The following ZCCHC24 variants were observed in gnomAD, a reference collection of about 807,000 sequenced individuals.
ZCCHC24 encodes the protein zinc finger CCHC domain-containing protein 24.
ZCCHC24 carries 10 observed loss-of-function variants against 26.2 expected under a neutral mutation model. The observed-to-expected ratio is 0.38, with a 90% confidence interval of 0.24 to 0.65. The LOEUF is 0.65. Among genes scored for constraint, ZCCHC24 ranks in the 30% least tolerant of loss-of-function variants. The probability of loss-of-function intolerance (pLI) is 0.54; values close to 1 mark genes in which losing one functional copy is unlikely to be tolerated. For synonymous variants in ZCCHC24, 144 were observed against 147.1 expected, an observed-to-expected ratio of 0.98 and a Z score of 0.15; for missense variants, 243 against 329.1, an observed-to-expected ratio of 0.74 and a Z score of 2.03.
At chr10:79,441,079 A>AACAAACACACACAC (rs1957887501) in intron 1 of ZCCHC24, among the ~76,000 whole-genome samples, 1 of 135,580 alleles carries the variant, frequency 7.4e-6, no homozygotes, top group African/African-American at 2.8e-5. Flanking sequence ...CTGCCCCCTA[A>AACAAACACACACAC]ACACACACAC....
intron 2 of ZCCHC24, among the ~76,000 whole-genome samples, chr10:79,417,804 C>A (rs1372116570): frequency 6.6e-6 from 1 of 152,200 alleles, no homozygotes; most frequent in African/African-American, 2.4e-5. Context: ...TTCTTCCCTG[C>A]ACCTGCTGCC....
intron 2 of ZCCHC24, among the ~76,000 whole-genome samples, chr10:79,417,669 T>C (rs900347098): frequency 6.6e-6 from 1 of 152,100 alleles, no homozygotes; most frequent in East Asian, 1.9e-4. Context: ...AGTGGGCACA[T>C]GGGCCACAGA....
intron 2 of ZCCHC24, among the ~76,000 whole-genome samples, chr10:79,431,957 G>A (rs931853122): frequency 8.5e-5 from 13 of 152,176 alleles, no homozygotes; most frequent in African/African-American, 2.9e-4. Flanking sequence ...CTGAAGCATT[G>A]GATCAGGTGG....
chr10:79,398,965 C>T (rs912884049), intron 2 of ZCCHC24, among the ~76,000 whole-genome samples: 2 of 152,196 alleles, frequency 1.3e-5, no homozygotes, highest in African/African-American at 2.4e-5. Flanking sequence ...CAAGGCCACA[C>T]TTGACCCACC....
intron 3 of ZCCHC24, among the ~76,000 whole-genome samples, chr10:79,389,787 T>G (rs1856451803): frequency 6.6e-6 from 1 of 152,148 alleles, no homozygotes; most frequent in Middle Eastern, 3.4e-3. Context: ...ATCTAATTTT[T>G]GTAGTTTTAG....
rs1856357709 is a variant in ZCCHC24, at chr10:79,383,969, C to T, written c.*2376G>A. 6.5e-6 allele frequency: 1 copy of T among 152,782 alleles called. No homozygotes were observed. Among genetic ancestry groups the T allele is most frequent in the Non-Finnish European group, 1.5e-5 (1 of 68,066 alleles). The allele number at this position is 152,782 out of a possible 1,614,324, so 9.5% of individuals were successfully genotyped here. A position where few individuals can be genotyped will look rare whatever the true frequency, so the allele number is the denominator to read the frequency against. On this transcript the variant is annotated 3_prime_UTR_variant, in exon 4 of 4. Transcript: ENST00000372336. ...TACTAAAACCACACACTTTCCCATC[C>T]CCTGGGCTCCTGGCCCTCTGAGCAC... is the stretch of plus-strand genomic sequence containing the variant.
At chr10:79,407,819 G>A (rs1404434426) in intron 2 of ZCCHC24, among the ~76,000 whole-genome samples, 2 of 152,218 alleles carry the variant, frequency 1.3e-5, no homozygotes, top group Non-Finnish European at 2.9e-5. Flanking sequence ...CAGTGAGGCT[G>A]CTGGGCTTGA....
At chr10:79,394,178 A>C in intron 3 of ZCCHC24, 98 bp downstream of exon 3, 3 of 1,472,962 alleles carry the variant, frequency 2.0e-6, no homozygotes, top group East Asian at 2.3e-5. Flanking sequence ...GTCAACTTAG[A>C]GAGATCTCCC....
At chr10:79,387,516 G>A (rs930166559) in intron 3 of ZCCHC24, among the ~76,000 whole-genome samples, 38 of 152,192 alleles carry the variant, frequency 2.5e-4, no homozygotes, top group South Asian at 2.1e-4. Flanking sequence ...GCCAGCTCAC[G>A]GGGATTCTGC....
chr10:79,440,340 C>T (rs1011919001), intron 1 of ZCCHC24, among the ~76,000 whole-genome samples: 2 of 152,212 alleles, frequency 1.3e-5, no homozygotes, highest in African/African-American at 4.8e-5. Flanking sequence ...TGGACTCATG[C>T]CCCCATGCTG....
chr10:79,391,796 C>T (rs1469456854), intron 3 of ZCCHC24, among the ~76,000 whole-genome samples: 9 of 151,510 alleles, frequency 5.9e-5, no homozygotes, highest in Non-Finnish European at 1.0e-4. Flanking sequence ...CAGTAGCTCC[C>T]GGAGCGCTCT....
At chr10:79,390,462 A>G (rs1480975724) in intron 3 of ZCCHC24, among the ~76,000 whole-genome samples, 1 of 152,092 alleles carries the variant, frequency 6.6e-6, no homozygotes, top group East Asian at 1.9e-4. Context: ...CAGGGGAAAC[A>G]GCGAAGTCCC....
At chr10:79,412,290 G>C (rs1856803512) in intron 2 of ZCCHC24, among the ~76,000 whole-genome samples, 1 of 152,262 alleles carries the variant, frequency 6.6e-6, no homozygotes, top group Admixed American at 6.5e-5. Context: ...GGTAGCTCAG[G>C]AGCTTCCTGC....
At chr10:79,402,014 C>A (rs1305535576) in intron 2 of ZCCHC24, among the ~76,000 whole-genome samples, 1 of 152,226 alleles carries the variant, frequency 6.6e-6, no homozygotes, top group Non-Finnish European at 1.5e-5. Flanking sequence ...GAAACAGAGG[C>A]CACAGGGGTG....
chr10:79,394,635 G>C, intron 2 of ZCCHC24, 195 bp from the exon 3 acceptor site: 4 of 985,442 alleles, frequency 4.1e-6, no homozygotes, highest in Non-Finnish European at 4.8e-6. Flanking sequence ...GGCACATAGG[G>C]AACAGAAAAC....
chr10:79,430,944 TGTGA>T (rs1857118579), intron 2 of ZCCHC24, among the ~76,000 whole-genome samples: 1 of 152,210 alleles, frequency 6.6e-6, no homozygotes, highest in South Asian at 2.1e-4. Flanking sequence ...AATAATCCTG[TGTGA>T]GTCCCTTCCT....
rs553342960 is a variant in ZCCHC24 at position 79,420,659 on chromosome 10, G to A, written c.447+11899C>T. Among the ~76,000 whole-genome samples, 99 of 152,210 alleles carry A rather than the reference G, an allele frequency of 6.5e-4. 1 individual carries two copies. The South Asian group carries it at 0.016, about 25-fold the overall frequency. On this transcript the variant is annotated intron_variant, in intron 2 of 3. Coordinates refer to ENST00000372336, the MANE Select transcript of ZCCHC24 (RefSeq NM_153367.4). ...CCTAGTGTGGTGGTTCATGTCTATA[G>A]TTCCAGCTACTCAGGAGGCAGGAGA...
chr10:79,386,661 G>C (rs2132170890), intron 3 of ZCCHC24, among the ~76,000 whole-genome samples: 1 of 152,260 alleles, frequency 6.6e-6, no homozygotes, highest in African/African-American at 2.4e-5. Context: ...GGGGTGGGGA[G>C]AGGGCGCCTG....
intron 2 of ZCCHC24, among the ~76,000 whole-genome samples, chr10:79,396,753 A>G (rs149469647): frequency 6.6e-6 from 1 of 152,364 alleles, no homozygotes; most frequent in East Asian, 1.9e-4. Context: ...ATGTTGCCAT[A>G]GTAACTTTCC....
Sources: allele counts gnomAD v4.1 joint callset (sites outside exome capture counted in the v4.1 genomes callset), GRCh38; gene constraint gnomAD v4.1.1; transcripts MANE v1.5; gene names NCBI Gene and HGNC (gene_info 2026-07-23, HGNC 2026-07-21).